CACNA1C: variants seen among roughly 807,000 people sequenced by gnomAD.
CACNA1C encodes calcium voltage-gated channel subunit alpha1 C.
CACNA1C carries 30 observed loss-of-function variants against 229.0 expected under a neutral mutation model. The ratio of observed to expected loss-of-function variants is 0.13; its 90% confidence interval spans 0.10 to 0.18. CACNA1C has a LOEUF of 0.18. Among genes scored for constraint, CACNA1C ranks in the 10% least tolerant of loss-of-function variants. The pLI, the probability that CACNA1C is intolerant of heterozygous loss-of-function variation, is 1.00. For missense variants in CACNA1C, 1,658 were observed against 2,845.0 expected, an observed-to-expected ratio of 0.58 and a Z score of 9.49; for synonymous variants, 1,114 against 1,132.5, an observed-to-expected ratio of 0.98 and a Z score of 0.33.
chr12:2,255,383 G>A (rs57925934), intron 3 of CACNA1C, among the ~76,000 whole-genome samples: 3,058 of 152,252 alleles, frequency 0.02, 103 homozygotes, highest in African/African-American at 0.067. Context: ...GGTGTGACAG[G>A]CAGGCCCTCT....
In CACNA1C at chr12:2,668,925, G is replaced by A. The variant is rs529345041; in HGVS notation, c.4624-8G>A. On this transcript the variant is annotated splice_polypyrimidine_tract_variant and splice_region_variant and intron_variant, in intron 37 of 46. Coordinates refer to ENST00000399655, the MANE Select transcript of CACNA1C (RefSeq NM_000719.7). ...ATCATCACCAGCTTTGCTTCTCTTC[G>A]CCTGCAGCGCCTGGTCTCCATGAAC... 31 of 1,607,408 alleles carry A rather than the reference G, an allele frequency of 1.9e-5. 1 individual carries two copies. The Middle Eastern group carries it at 6.6e-4, about 34-fold the overall frequency.
At chr12:2,549,461 G>A (rs2099892200) in intron 9 of CACNA1C, among the ~76,000 whole-genome samples, 1 of 152,198 alleles carries the variant, frequency 6.6e-6, no homozygotes, top group Non-Finnish European at 1.5e-5. Context: ...GCTCATCAAG[G>A]TAGCAAGCAC....
At chr12:2,578,029 C>T (rs368637679) in intron 13 of CACNA1C, among the ~76,000 whole-genome samples, 11,685 of 151,388 alleles carry the variant, frequency 0.077, 542 homozygotes, top group African/African-American at 0.13. Context: ...CTACCACACC[C>T]GGCTAATTTT....
At chr12:2,161,431 T>C (rs1236563075) in intron 3 of CACNA1C, among the ~76,000 whole-genome samples, 2 of 152,154 alleles carry the variant, frequency 1.3e-5, no homozygotes. Context: ...TCGGCCCACT[T>C]TGTCATTTTG....
intron 5 of CACNA1C, among the ~76,000 whole-genome samples, chr12:2,484,869 T>C (rs961972673): frequency 2.6e-5 from 4 of 151,996 alleles, no homozygotes; most frequent in African/African-American, 4.8e-5. Flanking sequence ...AGCACTCTTA[T>C]TAATTCACAG....
intron 3 of CACNA1C, among the ~76,000 whole-genome samples, chr12:2,408,112 CATT>C (rs1555530942): frequency 1.3e-5 from 2 of 152,182 alleles, no homozygotes; most frequent in Non-Finnish European, 2.9e-5. Flanking sequence ...ACCTTGAAAA[CATT>C]ATGCTAAGTA....
intron 18 of CACNA1C, 84 bp from the exon 19 acceptor site, chr12:2,593,129 T>C (rs1246606401): frequency 6.9e-7 from 1 of 1,450,664 alleles, no homozygotes; most frequent in African/African-American, 1.4e-5. Flanking sequence ...GCCATAATCA[T>C]GTCTGCCAGT....
At chr12:2,149,961 G>A (rs559202455) in intron 3 of CACNA1C, among the ~76,000 whole-genome samples, 2 of 152,286 alleles carry the variant, frequency 1.3e-5, no homozygotes, top group South Asian at 4.2e-4. Context: ...CAAGGATGAG[G>A]AGCCAGGTTA....
chr12:2,201,990 T>C (rs2097589109), intron 3 of CACNA1C, among the ~76,000 whole-genome samples: 1 of 152,234 alleles, frequency 6.6e-6, no homozygotes, highest in African/African-American at 2.4e-5. Context: ...TCATTTGTCT[T>C]CCTGGCAAGG....
At chr12:2,464,130 G>A (rs1400926623) in intron 5 of CACNA1C, among the ~76,000 whole-genome samples, 1 of 152,060 alleles carries the variant, frequency 6.6e-6, no homozygotes, top group Admixed American at 6.6e-5. Context: ...AGATGTGTAG[G>A]GTCTTTGACG....
At position 2,601,840 on chromosome 12, in the gene CACNA1C, G is replaced by A. The variant is rs751337744; in HGVS notation, c.2854-14G>A. ...GGGCCACTCACACTGGTGTTCCTTT[G>A]TCCCTCCCTGCAGATGACTGCTTAT... On this transcript the variant is annotated splice_polypyrimidine_tract_variant and intron_variant, in intron 21 of 46. Coordinates refer to ENST00000399655, the MANE Select transcript of CACNA1C (RefSeq NM_000719.7). The surrounding 1 kb of genome is among the most constrained non-coding windows in gnomAD (Gnocchi z 5.9). 5.0e-6 allele frequency: 8 copies of A among 1,585,152 alleles called. No homozygotes were observed. The South Asian group carries it at 8.8e-5, about 18-fold the overall frequency.
chr12:2,117,955 C>T (rs879214613), intron 2 of CACNA1C, among the ~76,000 whole-genome samples: 1 of 152,198 alleles, frequency 6.6e-6, no homozygotes, highest in Non-Finnish European at 1.5e-5. Flanking sequence ...AAGTGGAATC[C>T]GACCCTGTCA....
intron 3 of CACNA1C, among the ~76,000 whole-genome samples, chr12:2,387,524 G>A (rs1031144319): frequency 1.3e-5 from 2 of 151,744 alleles, no homozygotes; most frequent in Non-Finnish European, 2.9e-5. Context: ...TGACTAATAA[G>A]TGAACTAAGA....
chr12:2,684,599 G>A (rs1225639979), intron 43 of CACNA1C, among the ~76,000 whole-genome samples: 2 of 152,120 alleles, frequency 1.3e-5, no homozygotes, highest in Non-Finnish European at 2.9e-5. Flanking sequence ...AGGGTCTCAG[G>A]AGAGGAAGAT....
intron 3 of CACNA1C, among the ~76,000 whole-genome samples, chr12:2,425,640 A>C (rs1273878436): frequency 6.6e-6 from 1 of 152,226 alleles, no homozygotes; most frequent in Non-Finnish European, 1.5e-5. Flanking sequence ...TTTTGCAGCC[A>C]GTCTTTAGAG....
chr12:2,120,174 G>A (rs561685588), intron 2 of CACNA1C, 151 bp from the exon 3 acceptor site: 82 of 653,014 alleles, frequency 1.3e-4, no homozygotes, highest in Non-Finnish European at 1.9e-4. Flanking sequence ...ACTTAAAAAG[G>A]CATATGTTTC....
intron 3 of CACNA1C, among the ~76,000 whole-genome samples, chr12:2,394,086 CAG>C (rs1259328574): frequency 7.4e-6 from 1 of 134,464 alleles, no homozygotes; most frequent in Non-Finnish European, 1.6e-5. Flanking sequence ...GCCTGGGCAA[CAG>C]AGCAAGACCC....
chr12:1,973,941 T>C (rs936820844), intron 1 of CACNA1C, among the ~76,000 whole-genome samples: 1 of 152,204 alleles, frequency 6.6e-6, no homozygotes, highest in African/African-American at 2.4e-5. Flanking sequence ...CCAGGCTTTC[T>C]CACTCCTCTA....
In CACNA1C at chr12:2,593,268, C is replaced by T; in HGVS notation, c.2586C>T (p.Leu862=). 4 of 1,613,794 alleles carry T rather than the reference C, an allele frequency of 2.5e-6. No individual in the cohort carries two copies. Among genetic ancestry groups the T allele is most frequent in the Non-Finnish European group, 3.4e-6 (4 of 1,179,820 alleles). ...CTGTCGGCCCTCGCCCACGACCACTCTCTGAGCTTCACCTTAAGGAAAAGG... is the reference window on the plus strand; with the variant it reads ...CTGTCGGCCCTCGCCCACGACCACTTTCTGAGCTTCACCTTAAGGAAAAGG... ...EMPVGPRPRP[L]SELHLKEKAV... Residue 862 remains leucine (L), a synonymous_variant, in exon 19 of 47, where the codon CTC becomes CTT. Transcript: ENST00000399655.
Sources: allele counts gnomAD v4.1 joint callset (sites outside exome capture counted in the v4.1 genomes callset), GRCh38; gene constraint gnomAD v4.1.1; non-coding constraint Gnocchi (gnomAD v3.1); transcripts MANE v1.5; gene names NCBI Gene and HGNC (gene_info 2026-07-23, HGNC 2026-07-21).